Variants in DNAJC13 observed in about 807,000 individuals in gnomAD.
DNAJC13 encodes dnaJ homolog subfamily C member 13.
In DNAJC13, 75 loss-of-function variants were observed where a neutral mutation model predicts 290.5. That is an observed-to-expected ratio of 0.26 (90% confidence interval 0.21 to 0.31). DNAJC13 has a LOEUF of 0.31. Among genes scored for constraint, DNAJC13 ranks in the 10% least tolerant of loss-of-function variants. DNAJC13 has a pLI of 1.00. For synonymous variants in DNAJC13, 862 were observed against 892.0 expected (o/e 0.97, Z 0.60); for missense variants, 2,260 against 2,674.5 (o/e 0.85, Z 3.42).
chr3:132,521,372 A>C (rs1415717728), intron 48 of DNAJC13, among the ~76,000 whole-genome samples: 1 of 152,194 alleles, frequency 6.6e-6, no homozygotes, highest in Non-Finnish European at 1.5e-5. Flanking sequence ...ACCCTGTCCA[A>C]AAAAACAATA....
At position 132,439,085 on chromosome 3, in the gene DNAJC13, AATC is replaced by A. The variant is rs1932961265; in HGVS notation, c.68+4468_68+4470del. Reference sequence around the variant, plus strand: ...TTTCTGGATAAAAATTTATAAGTAAAATCTACCTGTGGATCACCTTAATATTGC... The same window carrying A: ...TTTCTGGATAAAAATTTATAAGTAAATACCTGTGGATCACCTTAATATTGC... On this transcript the variant is annotated intron_variant, in intron 2 of 55. Coordinates refer to ENST00000260818, the MANE Select transcript of DNAJC13 (RefSeq NM_015268.4). Among the ~76,000 whole-genome samples, 7 of 152,270 alleles carry A rather than the reference AATC, an allele frequency of 4.6e-5. No homozygotes were observed. In the South Asian group the frequency reaches 1.5e-3, roughly 32 times the overall value.
intron 41 of DNAJC13, among the ~76,000 whole-genome samples, chr3:132,503,979 T>TA (rs575646791): frequency 0.16 from 22,706 of 144,672 alleles, 3,871 homozygotes; most frequent in African/African-American, 0.43. Flanking sequence ...CCTTTAATTA[T>TA]AAAAAAAAAA....
Position 132,488,324 on chromosome 3 carries a change from T to C in DNAJC13, c.3294T>C (p.Leu1098=). The C allele has an allele frequency of 6.2e-7, 1 of 1,612,280 alleles. No homozygotes were observed. ...TACTGCTGACCTTTGACCCTATCCT[T>C]GTTGAGAAGGTTGCTATTTTGTTAT... The part of the protein sequence containing the change: ...IQLLLTFDPI[L]VEKVAILLYH... Residue 1098 remains leucine, a synonymous_variant, in exon 30 of 56, where the codon CTT becomes CTC. Coordinates refer to ENST00000260818, the MANE Select transcript of DNAJC13 (RefSeq NM_015268.4).
chr3:132,424,816 G>C (rs1316916318), intron 1 of DNAJC13, among the ~76,000 whole-genome samples: 4 of 152,110 alleles, frequency 2.6e-5, no homozygotes, highest in Non-Finnish European at 5.9e-5. Flanking sequence ...TTTATGGTTT[G>C]TTTTAAGATT....
At position 132,456,837 on chromosome 3, in the gene DNAJC13, G is replaced by A; in HGVS notation, c.1349+5G>A. The A allele has an allele frequency of 6.2e-7, 1 of 1,610,240 alleles. No individual in the cohort carries two copies. Among genetic ancestry groups the A allele is most frequent in the African/African-American group, 1.3e-5 (1 of 74,740 alleles). On this transcript the variant is annotated splice_donor_5th_base_variant and intron_variant, in intron 12 of 55. Transcript: ENST00000260818. ...GGCTTTCACTCAGCTTCCAAAGTAA[G>A]TTGTCTTCTGAAACTTAACTTCTCT...
At chr3:132,496,696 C>CT (rs764441298) in intron 36 of DNAJC13, 33 bp downstream of exon 36, 1 of 1,573,340 alleles carries the variant, frequency 6.4e-7, no homozygotes, top group Non-Finnish European at 8.6e-7. Flanking sequence ...TTAATTTATC[C>CT]TCCAGCTAAC....
intron 33 of DNAJC13, among the ~76,000 whole-genome samples, chr3:132,493,657 A>T (rs184757109): frequency 6.6e-6 from 1 of 151,868 alleles, no homozygotes; most frequent in Admixed American, 6.6e-5. Context: ...CTTGTGTTCT[A>T]TCCGTTACAT....
At chr3:132,517,259 A>G (rs1405222897) in intron 48 of DNAJC13, among the ~76,000 whole-genome samples, 1 of 152,176 alleles carries the variant, frequency 6.6e-6, no homozygotes, top group African/African-American at 2.4e-5. Context: ...GTGTAACAAC[A>G]CTTCTGGCTT....
At chr3:132,482,366 A>C in intron 27 of DNAJC13, 36 bp downstream of exon 27, 12 of 1,538,222 alleles carry the variant, frequency 7.8e-6, no homozygotes, top group African/African-American at 1.4e-5. Flanking sequence ...TGAAGGTCTC[A>C]GCATTTCTTA....
At chr3:132,450,008 C>G (rs186008454) in intron 5 of DNAJC13, among the ~76,000 whole-genome samples, 93 of 152,128 alleles carry the variant, frequency 6.1e-4, no homozygotes, top group Non-Finnish European at 1.2e-3. Context: ...ATTGACTATT[C>G]TAATAATTTC....
chr3:132,441,581 C>T (rs902779351), intron 2 of DNAJC13, among the ~76,000 whole-genome samples: 5 of 152,102 alleles, frequency 3.3e-5, no homozygotes, highest in African/African-American at 9.7e-5. Flanking sequence ...AATTTTCCGA[C>T]GTCAAGAATT....
At chr3:132,426,306 A>G (rs1056770218) in intron 1 of DNAJC13, among the ~76,000 whole-genome samples, 4 of 152,246 alleles carry the variant, frequency 2.6e-5, no homozygotes, top group African/African-American at 9.6e-5. Context: ...TTTCAATGCA[A>G]TTTAATTACA....
rs147658099 is a variant in DNAJC13 at position 132,510,021 on chromosome 3, G to A, written c.5116-1046G>A. On this transcript the variant is annotated intron_variant, in intron 43 of 55. Coordinates refer to ENST00000260818, the MANE Select transcript of DNAJC13 (RefSeq NM_015268.4). Reference sequence around the variant, plus strand: ...GACAGCTTGTGAGCCTCTTTATCTTGATTGTTGAAGAATTGAATTTTGTGA... The same window carrying A: ...GACAGCTTGTGAGCCTCTTTATCTTAATTGTTGAAGAATTGAATTTTGTGA... Among the ~76,000 whole-genome samples the A allele has an allele frequency of 8.2e-4, 125 of 152,252 alleles. 1 individual carries two copies. Among genetic ancestry groups the A allele is most frequent in the African/African-American group, 2.9e-3 (119 of 41,550 alleles).
At chr3:132,480,093 T>G (rs978806158) in intron 25 of DNAJC13, among the ~76,000 whole-genome samples, 1 of 152,228 alleles carries the variant, frequency 6.6e-6, no homozygotes, top group African/African-American at 2.4e-5. Context: ...AACCAGAGGT[T>G]GTTTTTTCCT....
intron 29 of DNAJC13, among the ~76,000 whole-genome samples, chr3:132,486,472 T>C (rs1214520606): frequency 6.6e-6 from 1 of 151,870 alleles, no homozygotes; most frequent in Non-Finnish European, 1.5e-5. Context: ...CAGCATAACA[T>C]GAAGCTTGGG....
intron 29 of DNAJC13, among the ~76,000 whole-genome samples, chr3:132,485,650 G>GGGT (rs1160770145): frequency 3.9e-5 from 6 of 152,198 alleles, no homozygotes; most frequent in Non-Finnish European, 2.9e-5. Context: ...CAGGCCACAG[G>GGGT]GGTGGACTTG....
chr3:132,476,645 A>G (rs1934482277), intron 22 of DNAJC13, among the ~76,000 whole-genome samples: 1 of 152,126 alleles, frequency 6.6e-6, no homozygotes, highest in Admixed American at 6.6e-5. Flanking sequence ...TGTTTCTTTT[A>G]TCTCATATCC....
In DNAJC13 at chr3:132,477,930, C is replaced by T. The variant is rs756779881; in HGVS notation, c.2549+38C>T. 10 of 1,601,420 alleles carry T rather than the reference C, an allele frequency of 6.2e-6. No individual in the cohort carries two copies. In the East Asian group the frequency reaches 8.9e-5, roughly 14 times the overall value. On this transcript the variant is annotated intron_variant, in intron 23 of 55. Coordinates refer to ENST00000260818, the MANE Select transcript of DNAJC13 (RefSeq NM_015268.4). The stretch of plus-strand genomic sequence containing the variant: ...GTATATCCTGTCGCATTTGTTTTCA[C>T]TGTTGGTTTCATGGCTATTTCTATT...
intron 43 of DNAJC13, among the ~76,000 whole-genome samples, chr3:132,508,009 C>T (rs1935649162): frequency 6.6e-6 from 1 of 152,218 alleles, no homozygotes; most frequent in East Asian, 1.9e-4. Flanking sequence ...ATTAAAAGTG[C>T]TCCTCCAATG....
Sources: allele counts gnomAD v4.1 joint callset (sites outside exome capture counted in the v4.1 genomes callset), GRCh38; gene constraint gnomAD v4.1.1; transcripts MANE v1.5; gene names NCBI Gene and HGNC (gene_info 2026-07-23, HGNC 2026-07-21).